The following GAB2 variants were observed in gnomAD, a reference collection of about 807,000 sequenced individuals.
The protein encoded by GAB2 is GRB2-associated-binding protein 2.
GAB2 carries 26 observed loss-of-function variants against 65.5 expected under a neutral mutation model. That is an observed-to-expected ratio of 0.40 (90% CI 0.29 to 0.55). The LOEUF is 0.55. Among genes scored for constraint, GAB2 ranks in the 20% least tolerant of loss-of-function variants. GAB2 has a pLI of 0.53. For missense variants in GAB2, 884 were observed against 875.8 expected (o/e 1.01, Z -0.12); for synonymous variants, 321 against 329.6 (o/e 0.97, Z 0.28).
At chr11:78,270,068 AGAT>A (rs1297379110) in intron 2 of GAB2, among the ~76,000 whole-genome samples, 1 of 152,138 alleles carries the variant, frequency 6.6e-6, no homozygotes, top group African/African-American at 2.4e-5. Flanking sequence ...ATCGATGTAC[AGAT>A]AGCACTGAGC....
At position 78,238,223 on chromosome 11, in the gene GAB2, A is replaced by G. The variant is rs938092225; in HGVS notation, c.621-11172T>C. Among the ~76,000 whole-genome samples the G allele has an allele frequency of 8.4e-4, 128 of 151,996 alleles. 1 individual carries two copies. The highest frequency in any genetic ancestry group is 1.4e-3 in the Non-Finnish European group (94 of 67,962). ...GGAAGAAACAAAAAAAAAAAAAAAA[A>G]AAAGAAAATGTGGCAGAAAAAGATT... On this transcript the variant is annotated intron_variant, in intron 3 of 9. Transcript: ENST00000361507.
At chr11:78,413,163 G>C (rs551601292) in intron 1 of GAB2, among the ~76,000 whole-genome samples, 105 of 152,320 alleles carry the variant, frequency 6.9e-4, no homozygotes, top group Middle Eastern at 3.4e-3. Context: ...TTAACAGTTG[G>C]ATATGTAAGT....
chr11:78,285,387 A>G (rs976448110), intron 1 of GAB2, among the ~76,000 whole-genome samples: 2 of 152,256 alleles, frequency 1.3e-5, no homozygotes, highest in East Asian at 1.9e-4. Context: ...AAATACTGAT[A>G]TATTTATGAC....
chr11:78,340,730 CATG>C (rs1856078584), intron 1 of GAB2, among the ~76,000 whole-genome samples: 1 of 152,060 alleles, frequency 6.6e-6, no homozygotes, highest in South Asian at 2.1e-4. Flanking sequence ...CAGATACCAC[CATG>C]ATAAGTACTT....
At chr11:78,355,888 G>A (rs1442924569) in intron 1 of GAB2, among the ~76,000 whole-genome samples, 1 of 151,964 alleles carries the variant, frequency 6.6e-6, no homozygotes, top group Non-Finnish European at 1.5e-5. Flanking sequence ...CACAGTGGCT[G>A]GGTGTGGTGG....
intron 3 of GAB2, among the ~76,000 whole-genome samples, chr11:78,239,183 A>G (rs2134501390): frequency 6.6e-6 from 1 of 152,192 alleles, no homozygotes; most frequent in African/African-American, 2.4e-5. Context: ...AGGCAGAACA[A>G]TGAATAAACA....
chr11:78,284,284 G>A (rs896738368), intron 1 of GAB2, among the ~76,000 whole-genome samples: 1 of 152,224 alleles, frequency 6.6e-6, no homozygotes, highest in Non-Finnish European at 1.5e-5. Flanking sequence ...CCATTTTGTA[G>A]TCTTCCTGCT....
At chr11:78,234,494 A>C (rs1590952524) in intron 3 of GAB2, among the ~76,000 whole-genome samples, 1 of 151,568 alleles carries the variant, frequency 6.6e-6, no homozygotes. Flanking sequence ...TCCTATATGA[A>C]TGTCAAGCTG....
chr11:78,404,975 T>G (rs911337279), intron 1 of GAB2, among the ~76,000 whole-genome samples: 4 of 152,132 alleles, frequency 2.6e-5, no homozygotes, highest in African/African-American at 9.7e-5. Context: ...ATTATATGCT[T>G]GTATCAAAAT....
chr11:78,258,180 C>G (rs1315880676), intron 2 of GAB2, among the ~76,000 whole-genome samples: 1 of 152,196 alleles, frequency 6.6e-6, no homozygotes, highest in African/African-American at 2.4e-5. Context: ...ATGCAGAGGG[C>G]TGGTCCCACC....
chr11:78,215,769 AC>A lies in GAB2; in HGVS notation c.*3502del, dbSNP rs35001332. The A allele has an allele frequency of 6.6e-6, 1 of 151,926 alleles. No individual in the cohort carries two copies. Among genetic ancestry groups the A allele is most frequent in the Non-Finnish European group, 1.5e-5 (1 of 67,910 alleles). 9.4% of individuals were successfully genotyped at this position (151,926 alleles called of 1,614,324 possible). On this transcript the variant is annotated 3_prime_UTR_variant, in exon 10 of 10. Coordinates refer to ENST00000361507, the MANE Select transcript of GAB2 (RefSeq NM_080491.3). ...CAGCAGGGCTAGTCCCAGAAAGACGACCCCCCACGGAAGGGCTTTAGCGCTC... is the reference window on the plus strand; with the variant it reads ...CAGCAGGGCTAGTCCCAGAAAGACGACCCCCACGGAAGGGCTTTAGCGCTC...
At chr11:78,405,478 G>A (rs1049025911) in intron 1 of GAB2, among the ~76,000 whole-genome samples, 2 of 152,060 alleles carry the variant, frequency 1.3e-5, no homozygotes, top group East Asian at 3.9e-4. Flanking sequence ...CTTAAGCTCT[G>A]TGCTCAGTTT....
intron 1 of GAB2, among the ~76,000 whole-genome samples, chr11:78,381,422 G>T (rs1348963706): frequency 6.6e-6 from 1 of 152,194 alleles, no homozygotes. Flanking sequence ...AAAAAGTAGT[G>T]AACTAGCCAA....
At chr11:78,228,943 C>T (rs1438362393) in intron 3 of GAB2, among the ~76,000 whole-genome samples, 1 of 152,154 alleles carries the variant, frequency 6.6e-6, no homozygotes, top group African/African-American at 2.4e-5. Context: ...TGGATGCTCC[C>T]ATCTGGATTT....
chr11:78,277,303 T>C (rs1866198650), intron 2 of GAB2, among the ~76,000 whole-genome samples: 1 of 152,182 alleles, frequency 6.6e-6, no homozygotes, highest in Non-Finnish European at 1.5e-5. Context: ...CTTGGACCCA[T>C]TTCTCACATT....
At chr11:78,254,636 CA>C (rs1715288355) in intron 2 of GAB2, among the ~76,000 whole-genome samples, 1 of 151,760 alleles carries the variant, frequency 6.6e-6, no homozygotes, top group Non-Finnish European at 1.5e-5. Flanking sequence ...TCGTCTCTAT[CA>C]AAAATTAAAA....
At chr11:78,220,670 T>C (rs762419564) in intron 8 of GAB2, among the ~76,000 whole-genome samples, 1 of 152,202 alleles carries the variant, frequency 6.6e-6, no homozygotes, top group Non-Finnish European at 1.5e-5. Context: ...TGTGGTTCAC[T>C]TTACTTTCAG....
Position 78,226,528 on chromosome 11 carries a change from C to T in GAB2, c.1144G>A (p.Val382Ile). ...RPPISENSRS[V>I]AATIPRRNTL... Reference sequence around the variant, plus strand: ...TTGCGTCTGGGGATGGTGGCAGCGACAGATCTGCTATTTTCACTGATTGGC... The same window carrying T: ...TTGCGTCTGGGGATGGTGGCAGCGATAGATCTGCTATTTTCACTGATTGGC... The change falls in exon 4 of 10, where the codon GTC (valine) becomes ATC (isoleucine). Residue 382 changes from valine (V) to isoleucine (I), a missense_variant. By Grantham distance (29) the Val-to-Ile change is conservative. Coordinates refer to ENST00000361507, the MANE Select transcript of GAB2 (RefSeq NM_080491.3). The T allele has an allele frequency of 1.2e-6, 2 of 1,603,648 alleles. No individual in the cohort carries two copies. The highest frequency in any genetic ancestry group is 1.7e-6 in the Non-Finnish European group (2 of 1,177,884).
chr11:78,411,993 G>A (rs776157672), intron 1 of GAB2, among the ~76,000 whole-genome samples: 11 of 151,702 alleles, frequency 7.3e-5, no homozygotes, highest in Non-Finnish European at 1.3e-4. Context: ...CTGTGCCACC[G>A]CACTCCAGCC....
Sources: allele counts gnomAD v4.1 joint callset (sites outside exome capture counted in the v4.1 genomes callset), GRCh38; gene constraint gnomAD v4.1.1; transcripts MANE v1.5; gene names NCBI Gene and HGNC (gene_info 2026-07-23, HGNC 2026-07-21).